Variants in KSR2 observed in about 807,000 individuals in gnomAD.
KSR2 encodes kinase suppressor of ras 2.
In KSR2, 25 loss-of-function variants were observed where a neutral mutation model predicts 107.8. The observed-to-expected ratio is 0.23, with a 90% CI of 0.17 to 0.32. The LOEUF is 0.32. Ranked by LOEUF, KSR2 falls within the 10% of genes least tolerant of loss-of-function variation. KSR2 has a pLI of 1.00. For synonymous variants in KSR2, 480 were observed against 507.0 expected, an observed-to-expected ratio of 0.95 and a Z score of 0.71; for missense variants, 887 against 1,268.9, an observed-to-expected ratio of 0.70 and a Z score of 4.57.
intron 1 of KSR2, among the ~76,000 whole-genome samples, chr12:117,919,752 TCC>T (rs1263117253): frequency 2.6e-5 from 4 of 152,182 alleles, no homozygotes; most frequent in African/African-American, 9.7e-5. Context: ...CATGGGAGGC[TCC>T]CCATCGCCTT....
intron 3 of KSR2, among the ~76,000 whole-genome samples, chr12:117,809,998 G>A (rs1222490459): frequency 1.3e-5 from 2 of 152,260 alleles, no homozygotes; most frequent in Middle Eastern, 3.4e-3. Flanking sequence ...CATTTGTGAG[G>A]TTCAGTCTCT....
chr12:117,760,935 C>A lies in KSR2; in HGVS notation c.986+76G>T, dbSNP rs115760427. The stretch of plus-strand genomic sequence containing the variant: ...CTGTTCCCGGTTTCCTTGACCTGGG[C>A]AGTTCCTGGGACCAAGGGGCAGCCC... On this transcript the variant is annotated intron_variant, in intron 4 of 19. Transcript: ENST00000339824. 1.7e-3 allele frequency: 2,600 copies of A among 1,574,274 alleles called. 34 individuals are homozygous for A. In the African/African-American group the frequency reaches 0.032, roughly 19 times the overall value.
chr12:117,738,180 G>A (rs1053592033), intron 4 of KSR2, among the ~76,000 whole-genome samples: 11 of 152,300 alleles, frequency 7.2e-5, no homozygotes, highest in South Asian at 4.1e-4. Context: ...TAGCTGCAAC[G>A]GGAAGCAATG....
At chr12:117,909,589 A>G (rs1328603294) in intron 1 of KSR2, among the ~76,000 whole-genome samples, 3 of 152,102 alleles carry the variant, frequency 2.0e-5, no homozygotes, top group Non-Finnish European at 4.4e-5. Context: ...TCTTTTTCCA[A>G]TTCTTTTTCA....
intron 1 of KSR2, among the ~76,000 whole-genome samples, chr12:117,943,663 C>A (rs1593391118): frequency 6.6e-6 from 1 of 152,060 alleles, no homozygotes; most frequent in South Asian, 2.1e-4. Context: ...AGTACTAATA[C>A]ATGGGTGAAA....
rs146123670 is a variant in KSR2 at position 117,893,223 on chromosome 12, G to A, written c.181-32792C>T. ...GGTAGAGATAGGGTTTCACCATGTT[G>A]CCCAGGCTGGTCTCAAACTCCTGGG... On this transcript the variant is annotated intron_variant, in intron 1 of 19. Coordinates refer to ENST00000339824, the MANE Select transcript of KSR2 (RefSeq NM_173598.6). 1.3e-3 allele frequency among the ~76,000 whole-genome samples: 193 copies of A among 152,020 alleles called. 1 individual carries two copies. Among genetic ancestry groups the A allele is most frequent in the Admixed American group, 3.5e-3 (53 of 15,252 alleles).
At chr12:117,863,986 T>C (rs1479386815) in intron 1 of KSR2, among the ~76,000 whole-genome samples, 1 of 152,094 alleles carries the variant, frequency 6.6e-6, no homozygotes, top group East Asian at 1.9e-4. Flanking sequence ...GATCCTTATC[T>C]TACATCTGCA....
At chr12:117,643,174 C>T (rs1349790700) in intron 5 of KSR2, among the ~76,000 whole-genome samples, 1 of 152,186 alleles carries the variant, frequency 6.6e-6, no homozygotes, top group Non-Finnish European at 1.5e-5. Context: ...GGCACGGTGA[C>T]TCACACCTGT....
intron 9 of KSR2, among the ~76,000 whole-genome samples, chr12:117,543,669 A>G (rs1197159393): frequency 6.6e-6 from 1 of 152,212 alleles, no homozygotes; most frequent in African/African-American, 2.4e-5. Context: ...CTTCCAATCC[A>G]TGAACATGGT....
At position 117,476,481 on chromosome 12, in the gene KSR2, A is replaced by T. The variant is rs373883662; in HGVS notation, c.2565T>A (p.Ser855=). 2.5e-6 allele frequency: 4 copies of T among 1,603,698 alleles called. No individual in the cohort carries two copies. The African/African-American group carries it at 5.3e-5, about 21-fold the overall frequency. ...CCACTTACCCAAGGGCAAAGACGTC[A>T]GAGTGCTTGGAGAAGGGGAGCTTAT... ...EEDKLPFSKH[S]DVFALGTIWY... Residue 855 remains serine, a synonymous_variant, in exon 17 of 20, where the codon TCT becomes TCA. Coordinates refer to ENST00000339824, the MANE Select transcript of KSR2 (RefSeq NM_173598.6).
At chr12:117,862,394 C>T (rs1245001076) in intron 1 of KSR2, among the ~76,000 whole-genome samples, 1 of 152,030 alleles carries the variant, frequency 6.6e-6, no homozygotes. Context: ...GGCCAGGTGC[C>T]GTGGCTCACA....
chr12:117,690,187 G>A (rs1885755147), intron 4 of KSR2, among the ~76,000 whole-genome samples: 1 of 152,164 alleles, frequency 6.6e-6, no homozygotes, highest in South Asian at 2.1e-4. Flanking sequence ...GCAAAGTCCT[G>A]GAAATCTTAT....
At chr12:117,531,094 G>T in intron 11 of KSR2, 81 bp from the exon 12 acceptor site, 1 of 1,163,182 alleles carries the variant, frequency 8.6e-7, no homozygotes, top group Non-Finnish European at 1.3e-6. Flanking sequence ...GGGCGACATG[G>T]CAGCCAATTT....
rs1469580555 is a variant in KSR2 at position 117,455,070 on chromosome 12, G to GAGAGAGAGAGAGAGAGAGAGAGAGAC, written c.*12128_*12129insGTCTCTCTCTCTCTCTCTCTCTCTCT. 4.7e-5 allele frequency: 7 copies of GAGAGAGAGAGAGAGAGAGAGAGAGAC among 149,324 alleles called. No homozygotes were observed. The highest frequency in any genetic ancestry group is 1.7e-4 in the African/African-American group (7 of 40,380). The allele number at this position is 149,324 out of a possible 1,614,324, so 9.2% of individuals were successfully genotyped here. The stretch of plus-strand genomic sequence containing the variant: ...AGAGAGAGAGAGAGAGAGAGAGAGA[G>GAGAGAGAGAGAGAGAGAGAGAGAGAC]AGGTCTGTAGAGCCAGAGAGGGATG... On this transcript the variant is annotated 3_prime_UTR_variant, in exon 20 of 20. Coordinates refer to ENST00000339824, the MANE Select transcript of KSR2 (RefSeq NM_173598.6).
chr12:117,859,679 A>G (rs1893224013), intron 2 of KSR2, among the ~76,000 whole-genome samples: 1 of 150,460 alleles, frequency 6.6e-6, no homozygotes, highest in South Asian at 2.1e-4. Flanking sequence ...CTGGTCCCAA[A>G]CTCCTGTGCT....
At chr12:117,605,431 A>T (rs1881171533) in intron 5 of KSR2, among the ~76,000 whole-genome samples, 2 of 152,202 alleles carry the variant, frequency 1.3e-5, no homozygotes, top group African/African-American at 4.8e-5. Context: ...TGCAGGATGT[A>T]CAGGCTTGTT....
At chr12:117,513,717 C>G (rs915234569) in intron 14 of KSR2, among the ~76,000 whole-genome samples, 1 of 152,154 alleles carries the variant, frequency 6.6e-6, no homozygotes. Context: ...TGGACTCAGG[C>G]ACGGCTAGAA....
At chr12:117,707,807 G>A (rs768202473) in intron 4 of KSR2, among the ~76,000 whole-genome samples, 16 of 152,136 alleles carry the variant, frequency 1.1e-4, no homozygotes, top group Non-Finnish European at 2.2e-4. Context: ...CAGCACCAAG[G>A]TGTGGCTGTC....
At chr12:117,657,938 G>A (rs1884256898) in intron 5 of KSR2, among the ~76,000 whole-genome samples, 1 of 152,244 alleles carries the variant, frequency 6.6e-6, no homozygotes, top group African/African-American at 2.4e-5. Flanking sequence ...TGCACATTGT[G>A]CTAAGTGCTT....
Sources: allele counts gnomAD v4.1 joint callset (sites outside exome capture counted in the v4.1 genomes callset), GRCh38; gene constraint gnomAD v4.1.1; transcripts MANE v1.5; gene names NCBI Gene and HGNC (gene_info 2026-07-23, HGNC 2026-07-21).